The following PLCZ1 variants were observed in gnomAD, a reference collection of about 807,000 sequenced individuals.
PLCZ1 encodes the protein 1-phosphatidylinositol 4,5-bisphosphate phosphodiesterase zeta-1.
A neutral mutation model predicts 76.8 loss-of-function variants in PLCZ1; 64 were observed. The observed-to-expected ratio is 0.83, with a 90% CI of 0.68 to 1.03. PLCZ1 has a LOEUF of 1.03. Ranked by LOEUF, PLCZ1 falls within the 50% of genes least tolerant of loss-of-function variation. The probability of loss-of-function intolerance (pLI) is 0.00; values close to 1 mark genes in which losing one functional copy is unlikely to be tolerated. For synonymous variants in PLCZ1, 248 were observed against 230.8 expected, an observed-to-expected ratio of 1.07 and a Z score of -0.68; for missense variants, 751 against 713.7, an observed-to-expected ratio of 1.05 and a Z score of -0.60.
At chr12:18,700,983 GAT>G (rs1955820240) in intron 9 of PLCZ1, among the ~76,000 whole-genome samples, 1 of 27,592 alleles carries the variant, frequency 3.6e-5, no homozygotes, top group South Asian at 3.0e-3. Flanking sequence ...CAATTATAGA[GAT>G]TTTTTTTTTT....
At chr12:18,648,347 C>T in the PLCZ1 span, 1 of 227,260 alleles carries the variant, frequency 4.4e-6, no homozygotes, top group Non-Finnish European at 8.7e-6. Context: ...TGTGTGCCTA[C>T]AGTTAAAAGC....
the PLCZ1 span, among the ~76,000 whole-genome samples, chr12:18,655,657 G>C: frequency 6.6e-6 from 1 of 151,908 alleles, no homozygotes; most frequent in Non-Finnish European, 1.5e-5. Context: ...TGGAAGTCGT[G>C]TTGGCAGTAT....
chr12:18,722,173 C>T (rs927835837), intron 4 of PLCZ1, among the ~76,000 whole-genome samples: 10 of 149,734 alleles, frequency 6.7e-5, no homozygotes, highest in Non-Finnish European at 1.5e-4. Context: ...TTCTGAACAC[C>T]CAACCTGAAC....
chr12:18,707,890 T>C (rs1296371537), intron 6 of PLCZ1, among the ~76,000 whole-genome samples: 3 of 152,210 alleles, frequency 2.0e-5, no homozygotes, highest in Admixed American at 6.6e-5. Context: ...TTTTATTGTG[T>C]ATACTTAAGG....
chr12:18,723,839 A>G (rs576745570), intron 3 of PLCZ1, among the ~76,000 whole-genome samples: 54 of 152,240 alleles, frequency 3.5e-4, no homozygotes, highest in African/African-American at 1.2e-3. Flanking sequence ...ACTTTACTTC[A>G]ATATCTTCTT....
intron 3 of PLCZ1, among the ~76,000 whole-genome samples, chr12:18,725,764 T>C (rs1467795877): frequency 6.6e-6 from 1 of 152,100 alleles, no homozygotes; most frequent in African/African-American, 2.4e-5. Flanking sequence ...GGTACCTATG[T>C]TTCTCGTTGT....
chr12:18,696,539 T>A (rs1955066984), intron 10 of PLCZ1, among the ~76,000 whole-genome samples: 1 of 151,746 alleles, frequency 6.6e-6, no homozygotes, highest in African/African-American at 2.4e-5. Context: ...ATTGATTAGA[T>A]AATTTATATA....
chr12:18,729,792 C>G (rs1000717576), intron 3 of PLCZ1, among the ~76,000 whole-genome samples: 12 of 151,940 alleles, frequency 7.9e-5, no homozygotes, highest in Non-Finnish European at 1.6e-4. Flanking sequence ...AATAATTAAT[C>G]TTGTAGAAAG....
the PLCZ1 span, among the ~76,000 whole-genome samples, chr12:18,651,112 A>T: frequency 6.6e-6 from 1 of 151,852 alleles, no homozygotes; most frequent in African/African-American, 2.4e-5. Flanking sequence ...AACTCTTATT[A>T]TATCCTCCTA....
chr12:18,728,357 T>TAATC (rs1398089013), intron 3 of PLCZ1, among the ~76,000 whole-genome samples: 1 of 152,186 alleles, frequency 6.6e-6, no homozygotes, highest in East Asian at 1.9e-4. Context: ...GTGCAACACC[T>TAATC]AATCAGTGTC....
chr12:18,652,949 AAGAG>A, the PLCZ1 span, among the ~76,000 whole-genome samples: 1 of 146,474 alleles, frequency 6.8e-6, no homozygotes, highest in Admixed American at 6.7e-5. Flanking sequence ...GAGAGAGAGA[AAGAG>A]AGAGACTGAT....
At chr12:18,653,952 T>C in the PLCZ1 span, among the ~76,000 whole-genome samples, 33 of 152,100 alleles carry the variant, frequency 2.2e-4, no homozygotes, top group Non-Finnish European at 4.1e-4. Flanking sequence ...GGCTCCATGA[T>C]TCCGATTTAC....
chr12:18,728,277 C>T (rs1189566687), intron 3 of PLCZ1, among the ~76,000 whole-genome samples: 5 of 152,266 alleles, frequency 3.3e-5, no homozygotes, highest in African/African-American at 9.6e-5. Flanking sequence ...TATCAACATT[C>T]TTACACTCAA....
At position 18,705,152 on chromosome 12, in the gene PLCZ1, G is replaced by GA. The variant is rs755274056; in HGVS notation, c.864+13dup. Reference sequence around the variant, plus strand: ...CTTTTTTCTTAACCTGAGTTTCTCAGAAAAAAATGTTACCTCTGGTGATGG... The same window carrying GA: ...CTTTTTTCTTAACCTGAGTTTCTCAGAAAAAAAATGTTACCTCTGGTGATGG... On this transcript the variant is annotated intron_variant, in intron 7 of 14. Coordinates refer to ENST00000266505, the MANE Select transcript of PLCZ1 (RefSeq NM_033123.4). 25 of 1,612,522 alleles carry GA rather than the reference G, an allele frequency of 1.6e-5. No individual in the cohort carries two copies. The Admixed American group carries it at 3.2e-4, about 20-fold the overall frequency.
chr12:18,701,798 T>C (rs763734271), intron 7 of PLCZ1, 22 bp from the exon 8 acceptor site: 23 of 1,581,908 alleles, frequency 1.5e-5, no homozygotes, highest in East Asian at 2.3e-5. Flanking sequence ...ATTTGAGAGA[T>C]ACAATTACAC....
At position 18,699,664 on chromosome 12, in the gene PLCZ1, T is replaced by C. The variant is rs1286397756; in HGVS notation, c.1174+130A>G. The C allele has an allele frequency of 3.0e-6, 3 of 1,012,386 alleles. No homozygotes were observed. In the Admixed American group the frequency reaches 5.9e-5, roughly 20 times the overall value. The allele number at this position is 1,012,386 out of a possible 1,614,324, so 62.7% of individuals were successfully genotyped here. On this transcript the variant is annotated intron_variant, in intron 10 of 14. Coordinates refer to ENST00000266505, the MANE Select transcript of PLCZ1 (RefSeq NM_033123.4). ...AGACCTGAGGTATGTAACCCCATTC[T>C]AAATTATGTTAAATGTGTTGAAATT... is the stretch of plus-strand genomic sequence containing the variant.
chr12:18,733,033 A>G lies in PLCZ1; in HGVS notation c.135+3188T>C, dbSNP rs1487408021. ...TTTTTAATTTTTGTGGAACCTCCAT[A>G]TTGTTTTCCACAAGGTTGTACCAGT... On this transcript the variant is annotated intron_variant, in intron 3 of 14. Coordinates refer to ENST00000266505, the MANE Select transcript of PLCZ1 (RefSeq NM_033123.4). 2.0e-5 allele frequency among the ~76,000 whole-genome samples: 3 copies of G among 152,264 alleles called. No individual in the cohort carries two copies. The East Asian group carries it at 5.8e-4, about 29-fold the overall frequency.
chr12:18,724,421 T>C (rs1958628770), intron 3 of PLCZ1, among the ~76,000 whole-genome samples: 1 of 151,944 alleles, frequency 6.6e-6, no homozygotes, highest in Admixed American at 6.6e-5. Flanking sequence ...AACTGGGAAA[T>C]AGGAATTTCA....
At chr12:18,668,670 C>T in the PLCZ1 span, among the ~76,000 whole-genome samples, 1 of 152,164 alleles carries the variant, frequency 6.6e-6, no homozygotes, top group Admixed American at 6.5e-5. Context: ...GTGCTGCTCA[C>T]TTCAGGCCAA....
Sources: allele counts gnomAD v4.1 joint callset (sites outside exome capture counted in the v4.1 genomes callset), GRCh38; gene constraint gnomAD v4.1.1; transcripts MANE v1.5; gene names NCBI Gene and HGNC (gene_info 2026-07-23, HGNC 2026-07-21).